PDE2A: variants seen among roughly 807,000 people sequenced by gnomAD.
PDE2A encodes the protein cGMP-dependent 3',5'-cyclic phosphodiesterase.
PDE2A carries 53 observed loss-of-function variants against 133.6 expected under a neutral mutation model. That is an observed-to-expected ratio of 0.40 (90% CI 0.32 to 0.50). The LOEUF is 0.50. PDE2A is among the 20% of genes least tolerant of loss of function. The probability of loss-of-function intolerance (pLI) is 0.73; values close to 1 mark genes in which losing one functional copy is unlikely to be tolerated. For synonymous variants in PDE2A, 491 were observed against 490.2 expected (o/e 1.00, Z -0.02); for missense variants, 796 against 1,232.4 (o/e 0.65, Z 5.30).
At chr11:72,634,931 T>C (rs1464269240) in intron 2 of PDE2A, among the ~76,000 whole-genome samples, 2 of 152,246 alleles carry the variant, frequency 1.3e-5, no homozygotes, top group Admixed American at 1.3e-4. Flanking sequence ...CAGGGGTTCA[T>C]GCATTTCCAT....
rs374945319 is a variant in PDE2A at position 72,597,598 on chromosome 11, C to T, written c.345G>A (p.Lys115=). ...AGCCCAGCCCATTGCAGCCCAGCCG[C>T]TTCTGGGAGATGATAGCCTCCCTGA... ...GKVREAIISQ[K]RLGCNGLGFS... The change falls in exon 5 of 31, where the codon AAG becomes AAA. Residue 115 remains lysine (K), a synonymous_variant. Transcript: ENST00000334456. This position sits in a 1 kb window ranked among gnomAD's most constrained non-coding sequence, Gnocchi z 4.6. 1.1e-4 allele frequency: 171 copies of T among 1,612,808 alleles called. No homozygotes were observed. The highest frequency in any genetic ancestry group is 1.4e-4 in the Non-Finnish European group (168 of 1,179,660).
chr11:72,582,919 A>G (rs1244934473), intron 20 of PDE2A, among the ~76,000 whole-genome samples: 2 of 152,030 alleles, frequency 1.3e-5, no homozygotes, highest in African/African-American at 4.8e-5. Flanking sequence ...AACTCTTCCT[A>G]CTACAGTTTT....
In PDE2A at chr11:72,579,610, TG is replaced by T. The variant is rs1191716389; in HGVS notation, c.2182-3del. On this transcript the variant is annotated splice_polypyrimidine_tract_variant and splice_region_variant and intron_variant, in intron 25 of 30. Transcript: ENST00000334456. ...GATGGCCTGAGCAAAGTGGTGCCTC[TG>T]GGGGGAGAGGAGTGATGGGGGCCCA... 4 of 1,608,250 alleles carry T rather than the reference TG, an allele frequency of 2.5e-6. No homozygotes were observed. The highest frequency in any genetic ancestry group is 2.7e-5 in the African/African-American group (2 of 74,660).
At chr11:72,642,426 C>T in intron 1 of PDE2A, 100 bp from the exon 2 acceptor site, 2 of 1,234,138 alleles carry the variant, frequency 1.6e-6, no homozygotes, top group East Asian at 3.4e-5. Context: ...GCTCGGTCAG[C>T]GCGTCCGCGA....
chr11:72,635,471 G>A (rs1473738089), intron 2 of PDE2A, among the ~76,000 whole-genome samples: 2 of 152,140 alleles, frequency 1.3e-5, no homozygotes, highest in African/African-American at 4.8e-5. Flanking sequence ...CAGAATGTCC[G>A]TATCTCTAGC....
At chr11:72,639,860 G>T (rs1858878382) in intron 2 of PDE2A, among the ~76,000 whole-genome samples, 3 of 152,132 alleles carry the variant, frequency 2.0e-5, no homozygotes, top group African/African-American at 7.2e-5. Flanking sequence ...AGCAAGAACA[G>T]GATGGCAGCC....
rs749261021 is a variant in PDE2A, at chr11:72,577,416, T to C, written c.2794A>G (p.Ile932Val). The C allele has an allele frequency of 2.5e-6, 4 of 1,613,870 alleles. No homozygotes were observed. Among genetic ancestry groups the C allele is most frequent in the Non-Finnish European group, 2.5e-6 (3 of 1,179,972 alleles). Residue 932 changes from isoleucine (I) to valine (V), a missense_variant, in exon 31 of 31, where the codon ATC (isoleucine) becomes GTC (valine). Physicochemically the swap from Ile to Val is conservative, Grantham distance 29 (BLOSUM62 3). Around this residue, in one of 7 missense-constraint regions of PDE2A, gnomAD observed 83 missense variants for 99.0 expected, o/e 0.84. Coordinates refer to ENST00000334456, the MANE Select transcript of PDE2A (RefSeq NM_002599.5). Reference sequence around the variant, plus strand: ...GCATCAAGGCTGCAGCAGCCATTGATGGGGGCCCTAGTGCCATCCAGATCA... The same window carrying C: ...GCATCAAGGCTGCAGCAGCCATTGACGGGGGCCCTAGTGCCATCCAGATCA... ...VPDLDGTRAP[I>V]NGCCSLDAE
chr11:72,583,846 T>C (rs1855834592), intron 19 of PDE2A, among the ~76,000 whole-genome samples: 1 of 151,932 alleles, frequency 6.6e-6, no homozygotes, highest in Admixed American at 6.5e-5. Context: ...TGGGGCTGGA[T>C]TCCCAGGCCA....
intron 4 of PDE2A, among the ~76,000 whole-genome samples, chr11:72,599,946 A>G (rs2032420144): frequency 6.6e-6 from 1 of 152,246 alleles, no homozygotes; most frequent in African/African-American, 2.4e-5. Context: ...GGCTTCCTGT[A>G]GAGGGAGACA....
At chr11:72,582,248 T>C (rs989390198) in intron 21 of PDE2A, 196 bp downstream of exon 21, 85 of 635,256 alleles carry the variant, frequency 1.3e-4, no homozygotes, top group Admixed American at 4.7e-4. Flanking sequence ...CTTGGGATCA[T>C]CCAGTCCAGC....
At chr11:72,663,820 A>C (rs1855149697) in intron 1 of PDE2A, among the ~76,000 whole-genome samples, 1 of 152,034 alleles carries the variant, frequency 6.6e-6, no homozygotes, top group Non-Finnish European at 1.5e-5. Context: ...TCCAATTCTG[A>C]TATCAACAGG....
At position 72,583,421 on chromosome 11, in the gene PDE2A, GTC is replaced by G. The variant is rs1312650935; in HGVS notation, c.1728+15_1728+16del. The G allele has an allele frequency of 1.9e-6, 3 of 1,573,046 alleles. No individual in the cohort carries two copies. Among genetic ancestry groups the G allele is most frequent in the Non-Finnish European group, 2.6e-6 (3 of 1,143,000 alleles). On this transcript the variant is annotated intron_variant, in intron 20 of 30. Coordinates refer to ENST00000334456, the MANE Select transcript of PDE2A (RefSeq NM_002599.5). ...GGGGAATCTGGGAGGAGGACCAGAGGTCTCTGCAAGCCTCACCTTCATGTGGT... is the reference window on the plus strand; with the variant it reads ...GGGGAATCTGGGAGGAGGACCAGAGGTCTGCAAGCCTCACCTTCATGTGGT...
Position 72,578,155 on chromosome 11 carries a change from C to G in PDE2A, c.2615+78G>C. The G allele has an allele frequency of 2.2e-6, 2 of 916,710 alleles. No homozygotes were observed. Among genetic ancestry groups the G allele is most frequent in the Non-Finnish European group, 3.6e-6 (2 of 553,280 alleles). The allele number at this position is 916,710 out of a possible 1,614,324, so 56.8% of individuals were successfully genotyped here. ...GACCTGGGCCAGGCCAATCTCAGCACCTGTGTTTCCTGTGATGTCCCCACT... is the reference window on the plus strand; with the variant it reads ...GACCTGGGCCAGGCCAATCTCAGCAGCTGTGTTTCCTGTGATGTCCCCACT... On this transcript the variant is annotated intron_variant, in intron 30 of 30. Transcript: ENST00000334456. This position sits in a 1 kb window ranked among gnomAD's most constrained non-coding sequence, Gnocchi z 4.2.
At chr11:72,579,231 C>T in intron 27 of PDE2A, 53 bp downstream of exon 27, 3 of 1,381,518 alleles carry the variant, frequency 2.2e-6, no homozygotes, top group Non-Finnish European at 3.1e-6. Context: ...CTGGCAAATC[C>T]TTCCCCTGGT....
At chr11:72,635,156 A>G (rs1002469821) in intron 2 of PDE2A, among the ~76,000 whole-genome samples, 3 of 152,174 alleles carry the variant, frequency 2.0e-5, no homozygotes, top group African/African-American at 2.4e-5. Flanking sequence ...TTACCCTGCA[A>G]GCTTTGGGAG....
chr11:72,637,278 T>C (rs560715554), intron 2 of PDE2A, among the ~76,000 whole-genome samples: 19 of 152,214 alleles, frequency 1.2e-4, no homozygotes, highest in African/African-American at 4.3e-4. Flanking sequence ...TCACTCCCTG[T>C]TTCTCCGCCT....
In PDE2A at chr11:72,666,600, G is replaced by A. The variant is rs192059352; in HGVS notation, c.71+7537C>T. Among the ~76,000 whole-genome samples, 36 of 152,246 alleles carry A rather than the reference G, an allele frequency of 2.4e-4. 1 individual carries two copies. Among genetic ancestry groups the A allele is most frequent in the Admixed American group, 2.0e-3 (31 of 15,296 alleles). ...AGTATTGAATAGCCAGACATTAGGC[G>A]CGGCCTTAAAGGTTAGCACAGCAGG... On this transcript the variant is annotated intron_variant, in intron 1 of 30. Coordinates refer to ENST00000334456, the MANE Select transcript of PDE2A (RefSeq NM_002599.5).
Position 72,578,364 on chromosome 11 carries a change from T to A in PDE2A, c.2509-25A>T. 6.3e-7 allele frequency: 1 copy of A among 1,588,360 alleles called. No homozygotes were observed. The highest frequency in any genetic ancestry group is 8.6e-7 in the Non-Finnish European group (1 of 1,156,618). ...CCTGCAGGCATCGAGTCGTCAGGCC[T>A]GTCCCTCTCATTCCTCCATCGGGTA... is the stretch of plus-strand genomic sequence containing the variant. On this transcript the variant is annotated intron_variant, in intron 29 of 30. Transcript: ENST00000334456. This position sits in a 1 kb window ranked among gnomAD's most constrained non-coding sequence, Gnocchi z 4.2.
chr11:72,654,160 CG>C (rs1391240369), intron 1 of PDE2A, among the ~76,000 whole-genome samples: 3 of 152,104 alleles, frequency 2.0e-5, no homozygotes, highest in African/African-American at 2.4e-5. Context: ...GGCCCTGTGT[CG>C]GGGCCCTGAG....
Sources: gnomAD v4.1 joint callset for allele counts (sites outside exome capture counted in the v4.1 genomes callset) on GRCh38, gnomAD v4.1.1 for gene constraint, gnomAD v4.1.1 regional missense constraint, Gnocchi (gnomAD v3.1) non-coding constraint, MANE v1.5 for transcripts, NCBI Gene and HGNC (gene_info 2026-07-23, HGNC 2026-07-21) for gene names.